DNER: variants seen among roughly 807,000 people sequenced by gnomAD.
The protein encoded by DNER is delta and Notch-like epidermal growth factor-related receptor.
In DNER, 33 loss-of-function variants were observed where a neutral mutation model predicts 78.2. The observed-to-expected ratio is 0.42, with a 90% CI of 0.32 to 0.56. The LOEUF is 0.56. Among genes scored for constraint, DNER ranks in the 20% least tolerant of loss-of-function variants. The probability of loss-of-function intolerance (pLI) is 0.11; values close to 1 mark genes in which losing one functional copy is unlikely to be tolerated. For missense variants in DNER, 918 were observed against 975.3 expected, an observed-to-expected ratio of 0.94 and a Z score of 0.78; for synonymous variants, 417 against 384.8, an observed-to-expected ratio of 1.08 and a Z score of -0.98.
chr2:229,435,054 C>T (rs1022662028), intron 8 of DNER, among the ~76,000 whole-genome samples: 3 of 152,092 alleles, frequency 2.0e-5, no homozygotes, highest in Admixed American at 1.3e-4. Flanking sequence ...TGCAGCTCCT[C>T]CTATCAAGAA....
chr2:229,429,869 C>G (rs1403369614), intron 8 of DNER, among the ~76,000 whole-genome samples: 1 of 152,172 alleles, frequency 6.6e-6, no homozygotes, highest in Non-Finnish European at 1.5e-5. Flanking sequence ...AGATTAACCT[C>G]GGGGCTGGAT....
chr2:229,700,814 G>A (rs1388827000), intron 1 of DNER, among the ~76,000 whole-genome samples: 3 of 151,518 alleles, frequency 2.0e-5, no homozygotes, highest in Non-Finnish European at 4.4e-5. Flanking sequence ...CCAGCTACTC[G>A]GGAGGCTGAG....
chr2:229,522,522 C>G (rs184921585), intron 5 of DNER, among the ~76,000 whole-genome samples: 1 of 152,270 alleles, frequency 6.6e-6, no homozygotes, highest in Non-Finnish European at 1.5e-5. Context: ...GAAAAAAGAG[C>G]CTGTTCCCAC....
chr2:229,452,660 G>A (rs1449139889), intron 7 of DNER, among the ~76,000 whole-genome samples: 1 of 152,120 alleles, frequency 6.6e-6, no homozygotes, highest in Non-Finnish European at 1.5e-5. Flanking sequence ...ATGGAGTCTT[G>A]CTCCGTAGCC....
At chr2:229,706,219 G>T (rs764074711) in intron 1 of DNER, among the ~76,000 whole-genome samples, 5 of 152,090 alleles carry the variant, frequency 3.3e-5, no homozygotes, top group Non-Finnish European at 7.4e-5. Context: ...ATTTAGGAGA[G>T]GGTCAGCCAA....
intron 5 of DNER, among the ~76,000 whole-genome samples, chr2:229,524,095 C>A (rs546137348): frequency 6.6e-6 from 1 of 152,296 alleles, no homozygotes; most frequent in Non-Finnish European, 1.5e-5. Flanking sequence ...AGTAAATTGA[C>A]CAAGGTCCGC....
At position 229,564,546 on chromosome 2, in the gene DNER, C is replaced by G. The variant is rs555238350; in HGVS notation, c.848-17454G>C. Among the ~76,000 whole-genome samples the G allele has an allele frequency of 9.3e-5, 14 of 150,882 alleles. 1 individual carries two copies. In the South Asian group the frequency reaches 2.8e-3, roughly 30 times the overall value. The stretch of plus-strand genomic sequence containing the variant: ...ACCCCATCACCATCATCATCATCAT[C>G]CTCACCCCATTACCATCATCATCAA... On this transcript the variant is annotated intron_variant, in intron 4 of 12. Coordinates refer to ENST00000341772, the MANE Select transcript of DNER (RefSeq NM_139072.4).
At chr2:229,364,882 G>C (rs1167724744) in intron 12 of DNER, among the ~76,000 whole-genome samples, 1 of 105,838 alleles carries the variant, frequency 9.4e-6, no homozygotes, top group Non-Finnish European at 1.7e-5. Flanking sequence ...GTAGAGTCTT[G>C]CTCTGTCACC....
chr2:229,523,642 G>A (rs1025391834), intron 5 of DNER, among the ~76,000 whole-genome samples: 1 of 152,134 alleles, frequency 6.6e-6, no homozygotes, highest in Admixed American at 6.5e-5. Flanking sequence ...TACAAATTTG[G>A]GGGGCAGGAG....
intron 1 of DNER, among the ~76,000 whole-genome samples, chr2:229,593,869 A>G (rs1473241270): frequency 6.6e-6 from 1 of 152,262 alleles, no homozygotes; most frequent in Non-Finnish European, 1.5e-5. Context: ...GAATTTCAAT[A>G]CATGCATTAA....
intron 9 of DNER, among the ~76,000 whole-genome samples, chr2:229,408,059 C>T (rs1276132729): frequency 1.3e-5 from 2 of 151,962 alleles, no homozygotes; most frequent in Non-Finnish European, 2.9e-5. Context: ...TGGAAATATA[C>T]AAAACTCTAT....
intron 7 of DNER, among the ~76,000 whole-genome samples, chr2:229,448,322 C>T (rs1694382825): frequency 6.6e-6 from 1 of 152,160 alleles, no homozygotes; most frequent in Admixed American, 6.5e-5. Flanking sequence ...AAAAGCAAAT[C>T]TGTAGATACA....
At chr2:229,549,959 G>A (rs909446330) in intron 4 of DNER, among the ~76,000 whole-genome samples, 1 of 151,718 alleles carries the variant, frequency 6.6e-6, no homozygotes, top group Non-Finnish European at 1.5e-5. Flanking sequence ...TAAATCTTGT[G>A]TACAATGAAA....
At chr2:229,628,781 C>T (rs562135557) in intron 1 of DNER, among the ~76,000 whole-genome samples, 2 of 152,302 alleles carry the variant, frequency 1.3e-5, no homozygotes, top group East Asian at 3.9e-4. Context: ...TTACCCTCTG[C>T]AGCCAGAGGG....
At chr2:229,689,807 A>G (rs1699538556) in intron 1 of DNER, among the ~76,000 whole-genome samples, 1 of 152,146 alleles carries the variant, frequency 6.6e-6, no homozygotes, top group Non-Finnish European at 1.5e-5. Flanking sequence ...GAGCTGACAT[A>G]ATTAAGTTTC....
chr2:229,669,562 A>G (rs1699172530), intron 1 of DNER, among the ~76,000 whole-genome samples: 3 of 152,068 alleles, frequency 2.0e-5, no homozygotes, highest in Admixed American at 2.0e-4. Context: ...ATGTTTTCCC[A>G]TTTGTTTGTT....
At chr2:229,680,881 G>T (rs1191856266) in intron 1 of DNER, among the ~76,000 whole-genome samples, 1 of 152,134 alleles carries the variant, frequency 6.6e-6, no homozygotes, top group Non-Finnish European at 1.5e-5. Context: ...ACTTTTTTAA[G>T]TCCTACTATG....
chr2:229,657,671 C>T (rs1276283515), intron 1 of DNER, among the ~76,000 whole-genome samples: 1 of 152,152 alleles, frequency 6.6e-6, no homozygotes, highest in Admixed American at 6.5e-5. Context: ...TACGTAAGGC[C>T]TAAGCAACTC....
intron 8 of DNER, among the ~76,000 whole-genome samples, chr2:229,438,054 C>A (rs1694160452): frequency 6.6e-6 from 1 of 152,222 alleles, no homozygotes; most frequent in Non-Finnish European, 1.5e-5. Flanking sequence ...GGCATCAAAT[C>A]AAATAAAATC....
Sources: allele counts gnomAD v4.1 joint callset (sites outside exome capture counted in the v4.1 genomes callset), GRCh38; gene constraint gnomAD v4.1.1; transcripts MANE v1.5; gene names NCBI Gene and HGNC (gene_info 2026-07-23, HGNC 2026-07-21).